The following ARHGEF11 variants were observed in gnomAD, a reference collection of about 807,000 sequenced individuals.
The protein encoded by ARHGEF11 is Rho guanine exchange factor (GEF) 11.
Under a neutral mutation model 193.7 loss-of-function variants are expected in ARHGEF11, and 55 were observed. The ratio of observed to expected loss-of-function variants is 0.28; its 90% CI spans 0.23 to 0.36. ARHGEF11 has a LOEUF of 0.36. Among genes scored for constraint, ARHGEF11 ranks in the 10% least tolerant of loss-of-function variants. The pLI is 1.00. For missense variants in ARHGEF11, 1,723 were observed against 2,005.6 expected (o/e 0.86, Z 2.69); for synonymous variants, 693 against 768.0 (o/e 0.90, Z 1.62).
intron 17 of ARHGEF11, 66 bp from the exon 18 acceptor site, chr1:156,957,881 C>T (rs1660196557): frequency 1.8e-5 from 28 of 1,551,146 alleles, no homozygotes; most frequent in Non-Finnish European, 2.3e-5. Context: ...TGGTTAGAGG[C>T]TAGGAGGAGG....
chr1:156,943,224 C>G (rs1042226522), intron 32 of ARHGEF11, among the ~76,000 whole-genome samples: 2 of 152,038 alleles, frequency 1.3e-5, no homozygotes, highest in East Asian at 3.9e-4. Flanking sequence ...ACATGCCTGG[C>G]TAATTTTTGT....
chr1:156,987,253 G>A (rs1665064585), intron 1 of ARHGEF11, among the ~76,000 whole-genome samples: 1 of 152,142 alleles, frequency 6.6e-6, no homozygotes, highest in African/African-American at 2.4e-5. Context: ...CAAAGCACTG[G>A]AAATAATCTA....
intron 1 of ARHGEF11, among the ~76,000 whole-genome samples, chr1:157,040,502 T>C (rs1167548052): frequency 6.6e-6 from 1 of 152,146 alleles, no homozygotes; most frequent in African/African-American, 2.4e-5. Flanking sequence ...CTAACAGACA[T>C]TTAAGGTGAG....
In ARHGEF11 at chr1:156,969,275, G is replaced by A. The variant is rs2275206; in HGVS notation, c.825+7C>T. On this transcript the variant is annotated splice_region_variant and intron_variant, in intron 10 of 40. Transcript: ENST00000368194. ...TTCTGAATGGGCCTTGCCCTGCTGG[G>A]ACTCACCTCACTGAGGGAAGGAAAG... 257,933 of 1,588,008 alleles carry A rather than the reference G, an allele frequency of 0.16. 21,881 individuals are homozygous for A. The highest frequency in any genetic ancestry group is 0.33 in the East Asian group (14,548 of 43,974).
chr1:156,939,549 T>C lies in ARHGEF11; in HGVS notation c.4095A>G (p.Lys1365=). The C allele has an allele frequency of 6.2e-7, 1 of 1,610,448 alleles. No homozygotes were observed. Among genetic ancestry groups the C allele is most frequent in the Non-Finnish European group, 8.5e-7 (1 of 1,180,016 alleles). Reference sequence around the variant, plus strand: ...ACTGGACACTCCCATTTATTTTACCTTTTCTCACAACTTTGTAACCTCCTG... The same window carrying C: ...ACTGGACACTCCCATTTATTTTACCCTTTCTCACAACTTTGTAACCTCCTG... ...EAAGGYKVVR[K]AEVAGSKVVP... Residue 1365 remains lysine, a splice_region_variant and synonymous_variant, in exon 37 of 41, where the codon AAA becomes AAG. Coordinates refer to ENST00000368194, the MANE Select transcript of ARHGEF11 (RefSeq NM_198236.3).
chr1:156,990,580 A>G (rs1351803892), intron 1 of ARHGEF11, among the ~76,000 whole-genome samples: 1 of 152,174 alleles, frequency 6.6e-6, no homozygotes, highest in East Asian at 1.9e-4. Context: ...CCTTCAACAT[A>G]TATTAGCCAG....
chr1:156,962,395 A>G (rs1182968215), intron 13 of ARHGEF11, among the ~76,000 whole-genome samples: 1 of 152,134 alleles, frequency 6.6e-6, no homozygotes, highest in Non-Finnish European at 1.5e-5. Flanking sequence ...TAAGCAGTTG[A>G]GCAGAATAAG....
Position 156,968,085 on chromosome 1 carries a change from G to A in ARHGEF11, c.865C>T (p.Leu289=). 1.2e-6 allele frequency: 2 copies of A among 1,614,112 alleles called. No individual in the cohort carries two copies. The highest frequency in any genetic ancestry group is 1.7e-6 in the Non-Finnish European group (2 of 1,179,942). ...ACAGGGGAGGTTCGAGGACTGTCTA[G>A]CCCAGGGTCTGACAGTACCGAGTTC... ...NRNSVLSDPG[L]DSPRTSPVIM... is the part of the protein sequence containing the mutation. Residue 289 remains leucine, a synonymous_variant, in exon 11 of 41, where the codon CTA becomes TTA. Transcript: ENST00000368194.
At chr1:156,943,065 C>CTTTTGTTT (rs1553196704) in intron 32 of ARHGEF11, among the ~76,000 whole-genome samples, 1 of 140,446 alleles carries the variant, frequency 7.1e-6, no homozygotes, top group Non-Finnish European at 1.5e-5. Context: ...AGTTATAAAA[C>CTTTTGTTT]TTTTTTTTTT....
At chr1:156,956,307 GGTTTCACCAT>G (rs200194689) in intron 19 of ARHGEF11, 103 bp downstream of exon 19, 30,472 of 1,092,870 alleles carry the variant, frequency 0.028, 532 homozygotes, top group South Asian at 0.06. Flanking sequence ...ATAGAGATGG[GGTTTCACCAT>G]GTTGCCCAGG....
chr1:156,941,832 G>C lies in ARHGEF11; in HGVS notation c.3452+32C>G, dbSNP rs200701169. The stretch of plus-strand genomic sequence containing the variant: ...GGAAACAGGAGGTTTGGAGTGGAGA[G>C]AGTGCAGGGTCTGGAGGGCTAAGCA... On this transcript the variant is annotated intron_variant, in intron 34 of 40. Transcript: ENST00000368194. The C allele has an allele frequency of 3.2e-6, 5 of 1,574,322 alleles. No homozygotes were observed. In the East Asian group the frequency reaches 1.1e-4, roughly 35 times the overall value.
chr1:156,969,864 T>C, intron 9 of ARHGEF11, 134 bp downstream of exon 9: 3 of 864,110 alleles, frequency 3.5e-6, no homozygotes, highest in Non-Finnish European at 5.6e-6. Context: ...TACTGCTTTC[T>C]CCCATTATTT....
At chr1:156,942,404 A>C (rs1657197671) in intron 33 of ARHGEF11, among the ~76,000 whole-genome samples, 1 of 152,202 alleles carries the variant, frequency 6.6e-6, no homozygotes, top group African/African-American at 2.4e-5. Flanking sequence ...GCATGAATCT[A>C]ATCTGCCTAA....
chr1:156,963,794 TGG>T (rs1661321245), intron 11 of ARHGEF11, 200 bp from the exon 12 acceptor site: 1 of 1,419,938 alleles, frequency 7.0e-7, no homozygotes, highest in Non-Finnish European at 9.1e-7. Context: ...TGCTTCTGGG[TGG>T]GGCAGGGCAG....
Position 156,935,957 on chromosome 1 carries a change from TGAA to T in ARHGEF11, c.*40_*42del, listed in dbSNP as rs1439028133. On this transcript the variant is annotated 3_prime_UTR_variant, in exon 41 of 41. Transcript: ENST00000368194. Reference sequence around the variant, plus strand: ...TGTGCCCCGGTCTCAGGCCAGTCCCTGAAGGAGGAGTGGGGACGCAGAGGATTT... The same window carrying T: ...TGTGCCCCGGTCTCAGGCCAGTCCCTGGAGGAGTGGGGACGCAGAGGATTT... 2.5e-6 allele frequency: 4 copies of T among 1,590,364 alleles called. No homozygotes were observed. The African/African-American group carries it at 4.0e-5, about 16-fold the overall frequency.
Position 156,937,433 on chromosome 1 carries a change from G to A in ARHGEF11, c.4256C>T (p.Ala1419Val). Residue 1419 changes from alanine (A) to valine (V), a missense_variant, in exon 39 of 41, where the codon GCA (alanine) becomes GTA (valine). Ala to Val is a moderately conservative substitution (Grantham distance 64). Transcript: ENST00000368194. ...GTCAGGCTGAGGGGGGCTCATGGGT[G>A]CCTCTGAGTGGTCGGTGCTTGAGTC... is the stretch of plus-strand genomic sequence containing the variant. ...PPDSSTDHSEAPMSPPQPDSL... is the reference protein window; with the variant it reads ...PPDSSTDHSEVPMSPPQPDSL... 1 of 1,571,446 alleles carries A rather than the reference G, an allele frequency of 6.4e-7. No individual in the cohort carries two copies. The highest frequency in any genetic ancestry group is 8.6e-7 in the Non-Finnish European group (1 of 1,161,544).
At position 156,955,787 on chromosome 1, in the gene ARHGEF11, T is replaced by G; in HGVS notation, c.1684A>C (p.Lys562Gln). The stretch of plus-strand genomic sequence containing the variant: ...TCCTCCAAGGCATCCTTTTCTTTCT[T>G]GGAATTGCTGCTCTGCTGAGACAGG... ...FPKTKKSSNSKKEKDALEDKK... is the reference protein window; with the variant it reads ...FPKTKKSSNSQKEKDALEDKK... The change falls in exon 20 of 41, where the codon AAG becomes CAG. Residue 562 changes from lysine to glutamine, a missense_variant. Lys to Gln is a moderately conservative substitution (Grantham distance 53, BLOSUM62 1). Coordinates refer to ENST00000368194, the MANE Select transcript of ARHGEF11 (RefSeq NM_198236.3). The G allele has an allele frequency of 6.2e-7, 1 of 1,614,030 alleles. No homozygotes were observed. Among genetic ancestry groups the G allele is most frequent in the East Asian group, 2.2e-5 (1 of 44,888 alleles).
rs1265876329 is a variant in ARHGEF11, at chr1:156,976,994, T to C, written c.571A>G (p.Lys191Glu). ...GGCAGTGACCTTACCTGTAATTCTT[T>C]TTCTTCCTGCCTCAGCATATTCCTG... ...ILRNMLRQEE[K>E]ELQRICEVYS... The change falls in exon 7 of 41, where the codon AAA becomes GAA. Residue 191 changes from lysine to glutamate, a missense_variant. This residue lies in a region of ARHGEF11 where 646 missense variants were observed against 710.7 expected (regional missense o/e 0.91). Transcript: ENST00000368194. 1 of 1,614,114 alleles carries C rather than the reference T, an allele frequency of 6.2e-7. No homozygotes were observed. Among genetic ancestry groups the C allele is most frequent in the Non-Finnish European group, 8.5e-7 (1 of 1,179,968 alleles).
chr1:157,021,104 C>CT (rs1214555976), intron 1 of ARHGEF11, among the ~76,000 whole-genome samples: 2 of 152,244 alleles, frequency 1.3e-5, no homozygotes, highest in Non-Finnish European at 2.9e-5. Context: ...ATTACAGTCT[C>CT]TGACATGCCA....
Sources: gnomAD v4.1 joint callset for allele counts (sites outside exome capture counted in the v4.1 genomes callset) on GRCh38, gnomAD v4.1.1 for gene constraint, gnomAD v4.1.1 regional missense constraint, MANE v1.5 for transcripts, NCBI Gene and HGNC (gene_info 2026-07-23, HGNC 2026-07-21) for gene names.